Variants in DRC11 observed in about 807,000 individuals in gnomAD.
DRC11 encodes dynein regulatory complex subunit 11.
chr2:236,505,402 C>A, the DRC11 span, among the ~76,000 whole-genome samples: 1 of 152,116 alleles, frequency 6.6e-6, no homozygotes, highest in African/African-American at 2.4e-5. Flanking sequence ...TCTTCTTCCC[C>A]AAATACTCCC....
At chr2:236,357,290 A>G in the DRC11 span, among the ~76,000 whole-genome samples, 20,366 of 118,904 alleles carry the variant, frequency 0.17, 2,020 homozygotes, top group Non-Finnish European at 0.22. Flanking sequence ...ATATATTTAT[A>G]TATTATATAT....
chr2:236,413,155 A>G, the DRC11 span, among the ~76,000 whole-genome samples: 2 of 152,142 alleles, frequency 1.3e-5, no homozygotes, highest in Admixed American at 6.5e-5. The surrounding 1 kb of genome is among the most constrained non-coding windows in gnomAD (Gnocchi z 4.0). Context: ...AACCAAATAT[A>G]TCCTTTCTCT....
At chr2:236,421,878 C>T in the DRC11 span, among the ~76,000 whole-genome samples, 1 of 152,170 alleles carries the variant, frequency 6.6e-6, no homozygotes, top group Non-Finnish European at 1.5e-5. Context: ...TGGGCTTCAT[C>T]CCTGGGATGC....
the DRC11 span, among the ~76,000 whole-genome samples, chr2:236,407,006 A>G: frequency 6.6e-6 from 1 of 152,106 alleles, no homozygotes; most frequent in Non-Finnish European, 1.5e-5. Context: ...CGGCCTCCCA[A>G]AGTGCTGGGA....
chr2:236,372,054 C>T, the DRC11 span, among the ~76,000 whole-genome samples: 1 of 152,142 alleles, frequency 6.6e-6, no homozygotes, highest in South Asian at 2.1e-4. This position sits in a 1 kb window ranked among gnomAD's most constrained non-coding sequence, Gnocchi z 4.5. Flanking sequence ...TTTTAAACGT[C>T]TAAACCCTTT....
chr2:236,458,932 C>T, the DRC11 span, among the ~76,000 whole-genome samples: 1 of 152,080 alleles, frequency 6.6e-6, no homozygotes, highest in Non-Finnish European at 1.5e-5. Context: ...GTAATCCTGG[C>T]TACTCGGGAG....
At chr2:236,439,944 C>T in the DRC11 span, among the ~76,000 whole-genome samples, 2 of 152,132 alleles carry the variant, frequency 1.3e-5, no homozygotes, top group Non-Finnish European at 2.9e-5. Context: ...ACTTACTATG[C>T]ACTCAATTCT....
chr2:236,353,427 A>G, the DRC11 span, among the ~76,000 whole-genome samples: 1 of 152,186 alleles, frequency 6.6e-6, no homozygotes, highest in South Asian at 2.1e-4. The surrounding 1 kb of genome is among the most constrained non-coding windows in gnomAD (Gnocchi z 5.0). Context: ...ACACTGTCAA[A>G]CATTCACCAT....
At chr2:236,425,377 T>C in the DRC11 span, among the ~76,000 whole-genome samples, 1 of 152,014 alleles carries the variant, frequency 6.6e-6, no homozygotes, top group Non-Finnish European at 1.5e-5. Flanking sequence ...TATCTCATTG[T>C]TTAATTTGCG....
the DRC11 span, among the ~76,000 whole-genome samples, chr2:236,466,218 T>C: frequency 6.6e-6 from 1 of 152,236 alleles, no homozygotes; most frequent in Admixed American, 6.5e-5. Flanking sequence ...AATTTTAACA[T>C]GTTACTTAAC....
chr2:236,325,103 C>T, the DRC11 span, among the ~76,000 whole-genome samples: 10 of 152,204 alleles, frequency 6.6e-5, no homozygotes, highest in South Asian at 1.7e-3. This position sits in a 1 kb window ranked among gnomAD's most constrained non-coding sequence, Gnocchi z 4.4. Context: ...TTCTTGGTAA[C>T]GTGAAGGGTG....
the DRC11 span, among the ~76,000 whole-genome samples, chr2:236,354,359 C>T: frequency 6.7e-5 from 9 of 134,850 alleles, no homozygotes; most frequent in African/African-American, 2.3e-4. Context: ...GTGTGGGGGG[C>T]AGGTTGGTGC....
chr2:236,347,721 G>A, the DRC11 span, among the ~76,000 whole-genome samples: 1 of 151,682 alleles, frequency 6.6e-6, no homozygotes, highest in Admixed American at 6.6e-5. Flanking sequence ...GTGGGAGGGG[G>A]GTGAGGGATG....
the DRC11 span, among the ~76,000 whole-genome samples, chr2:236,321,176 T>A: frequency 1.3e-5 from 2 of 152,132 alleles, no homozygotes; most frequent in African/African-American, 4.8e-5. Flanking sequence ...TTTTTTTTGG[T>A]ATATACCCAC....
chr2:236,320,769 G>A, the DRC11 span, among the ~76,000 whole-genome samples: 1 of 152,140 alleles, frequency 6.6e-6, no homozygotes, highest in African/African-American at 2.4e-5. Flanking sequence ...AATGGCCCAG[G>A]GCGGCTGAGG....
At chr2:236,503,116 T>C in the DRC11 span, among the ~76,000 whole-genome samples, 1 of 152,182 alleles carries the variant, frequency 6.6e-6, no homozygotes, top group Non-Finnish European at 1.5e-5. The surrounding 1 kb of genome is among the most constrained non-coding windows in gnomAD (Gnocchi z 4.9). Flanking sequence ...TTAAAAGGCA[T>C]CTTATACTTC....
At chr2:236,368,777 T>C in the DRC11 span, 1 of 154,632 alleles carries the variant, frequency 6.5e-6, no homozygotes, top group South Asian at 2.0e-4. Flanking sequence ...ATGCAGTCAT[T>C]TGAAAGGAAG....
chr2:236,316,428 G>A, the DRC11 span, among the ~76,000 whole-genome samples: 63 of 152,286 alleles, frequency 4.1e-4, no homozygotes, highest in African/African-American at 1.5e-3. This position sits in a 1 kb window ranked among gnomAD's most constrained non-coding sequence, Gnocchi z 6.8. Flanking sequence ...CTCCCAAAGT[G>A]CTGGGATTAC....
the DRC11 span, among the ~76,000 whole-genome samples, chr2:236,421,449 A>G: frequency 1.3e-5 from 2 of 149,708 alleles, no homozygotes. Flanking sequence ...CAAATAAACT[A>G]GAAAATCTAG....
Sources: gnomAD v4.1 joint callset for allele counts (sites outside exome capture counted in the v4.1 genomes callset) on GRCh38, gnomAD v4.1.1 for gene constraint, Gnocchi (gnomAD v3.1) non-coding constraint, MANE v1.5 for transcripts, NCBI Gene and HGNC (gene_info 2026-07-23, HGNC 2026-07-21) for gene names.